The following EPS15L1 variants were observed in gnomAD, a reference collection of about 807,000 sequenced individuals.
EPS15L1 encodes the protein epidermal growth factor receptor pathway substrate 15 like 1.
In EPS15L1, 43 loss-of-function variants were observed where a neutral mutation model predicts 117.1. The observed-to-expected ratio is 0.37, with a 90% CI of 0.29 to 0.47. The LOEUF (loss-of-function observed/expected upper bound fraction) is 0.47, where lower values mean the gene tolerates loss of function less well. Among genes scored for constraint, EPS15L1 ranks in the 20% least tolerant of loss-of-function variants. EPS15L1 has a pLI of 0.99. For synonymous variants in EPS15L1, 459 were observed against 470.5 expected, an observed-to-expected ratio of 0.98 and a Z score of 0.32; for missense variants, 981 against 1,164.0, an observed-to-expected ratio of 0.84 and a Z score of 2.29.
chr19:16,418,115 C>T lies in EPS15L1; in HGVS notation c.951-11G>A, dbSNP rs765576625. On this transcript the variant is annotated splice_polypyrimidine_tract_variant and intron_variant, in intron 10 of 23. Coordinates refer to ENST00000455140, the MANE Select transcript of EPS15L1 (RefSeq NM_001258374.3). ...GTATCGGCCAGGGCCCTGGGAGAAACGTGGGGATGCTAATTACACATCACA... is the reference window on the plus strand; with the variant it reads ...GTATCGGCCAGGGCCCTGGGAGAAATGTGGGGATGCTAATTACACATCACA... The T allele has an allele frequency of 1.4e-5, 23 of 1,607,042 alleles. No homozygotes were observed. In the East Asian group the frequency reaches 2.7e-4, roughly 19 times the overall value.
rs149210508 is a variant in EPS15L1, at chr19:16,412,318, G to A, written c.1266+1455C>T. Among the ~76,000 whole-genome samples, 700 of 152,004 alleles carry A rather than the reference G, an allele frequency of 4.6e-3. 37 individuals carry two copies. In the East Asian group the frequency reaches 0.12, roughly 27 times the overall value. On this transcript the variant is annotated intron_variant, in intron 13 of 23. Coordinates refer to ENST00000455140, the MANE Select transcript of EPS15L1 (RefSeq NM_001258374.3). ...AGATTAAGACCATCCTAGCCAACAT[G>A]GTGAAACCCCATCTCTACTAAAATA...
chr19:16,433,997 A>G (rs1188103463), intron 7 of EPS15L1, among the ~76,000 whole-genome samples: 1 of 152,184 alleles, frequency 6.6e-6, no homozygotes, highest in African/African-American at 2.4e-5. Context: ...ATAAATAAAT[A>G]GACACAGACA....
chr19:16,386,304 T>C (rs1225816788), intron 19 of EPS15L1, 73 bp from the exon 20 acceptor site: 1 of 1,192,406 alleles, frequency 8.4e-7, no homozygotes, highest in Admixed American at 1.8e-5. Context: ...AACCAGACCT[T>C]CCTGACGTCG....
intron 1 of EPS15L1, among the ~76,000 whole-genome samples, chr19:16,458,511 C>T (rs1021116757): frequency 1.3e-5 from 2 of 151,870 alleles, no homozygotes; most frequent in African/African-American, 2.4e-5. Flanking sequence ...TCCTCACCCA[C>T]GGCCCTGCCT....
chr19:16,452,376 G>A (rs2093153893), intron 1 of EPS15L1, among the ~76,000 whole-genome samples: 1 of 151,608 alleles, frequency 6.6e-6, no homozygotes, highest in South Asian at 2.1e-4. Context: ...AACCCGGGAG[G>A]CAGAGTTTGC....
In EPS15L1 at chr19:16,436,934, T is replaced by C. The variant is rs1599647668; in HGVS notation, c.372+3A>G. On this transcript the variant is annotated splice_donor_region_variant and intron_variant, in intron 6 of 23. Transcript: ENST00000455140. Reference sequence around the variant, plus strand: ...AAGGAGGGAGCTATTCCCGTTCACTTACCCTCACAGCCCAGTGGGCCTCTG... The same window carrying C: ...AAGGAGGGAGCTATTCCCGTTCACTCACCCTCACAGCCCAGTGGGCCTCTG... 1.2e-6 allele frequency: 2 copies of C among 1,612,292 alleles called. No individual in the cohort carries two copies. The highest frequency in any genetic ancestry group is 1.7e-6 in the Non-Finnish European group (2 of 1,178,436).
chr19:16,382,154 A>T (rs758988775), intron 21 of EPS15L1, among the ~76,000 whole-genome samples: 28 of 152,092 alleles, frequency 1.8e-4, no homozygotes, highest in Non-Finnish European at 3.8e-4. Flanking sequence ...GTGTGTTTAA[A>T]CCCACGAGGC....
chr19:16,396,301 G>A (rs1028540062), intron 16 of EPS15L1, among the ~76,000 whole-genome samples: 2 of 152,182 alleles, frequency 1.3e-5, no homozygotes, highest in African/African-American at 4.8e-5. Context: ...TCACTCTGTT[G>A]TCCAGGTTGG....
chr19:16,363,623 C>A (rs943932837), intron 22 of EPS15L1, among the ~76,000 whole-genome samples: 5 of 152,216 alleles, frequency 3.3e-5, no homozygotes, highest in Non-Finnish European at 7.3e-5. Flanking sequence ...AAAGTGCCTC[C>A]TCCCAGCTGG....
At chr19:16,376,105 G>T (rs1282337498) in intron 22 of EPS15L1, among the ~76,000 whole-genome samples, 1 of 152,156 alleles carries the variant, frequency 6.6e-6, no homozygotes, top group African/African-American at 2.4e-5. Flanking sequence ...TGATGGAAAG[G>T]GCTCGGGGGC....
intron 16 of EPS15L1, chr19:16,400,762 G>A: frequency 1.0e-6 from 1 of 985,366 alleles, no homozygotes; most frequent in Non-Finnish European, 1.2e-6. Context: ...CCTTTGCCCT[G>A]CCCAAAAGAT....
rs1394250587 is a variant in EPS15L1 at position 16,358,869 on chromosome 19, G to A, written c.2586+2910C>T. 3.9e-5 allele frequency among the ~76,000 whole-genome samples: 6 copies of A among 152,222 alleles called. No individual in the cohort carries two copies. The East Asian group carries it at 9.6e-4, about 24-fold the overall frequency. On this transcript the variant is annotated intron_variant, in intron 23 of 23. Transcript: ENST00000455140. ...CTGGTATTTGCACTACTCTTAATGCGAACTTCCAAAAGAACCGTTCCGCTA... is the reference window on the plus strand; with the variant it reads ...CTGGTATTTGCACTACTCTTAATGCAAACTTCCAAAAGAACCGTTCCGCTA...
Position 16,417,936 on chromosome 19 carries a change from A to G in EPS15L1, c.1107+12T>C. 1 of 1,610,866 alleles carries G rather than the reference A, an allele frequency of 6.2e-7. No individual in the cohort carries two copies. The highest frequency in any genetic ancestry group is 8.5e-7 in the Non-Finnish European group (1 of 1,178,520). On this transcript the variant is annotated intron_variant, in intron 11 of 23. Transcript: ENST00000455140. ...ATGTCAATACCCCCAGGGCATGACC[A>G]GCACCACTCACCGGGCCGGGCGTGC...
At chr19:16,430,770 C>T (rs925767476) in intron 7 of EPS15L1, among the ~76,000 whole-genome samples, 18 of 152,160 alleles carry the variant, frequency 1.2e-4, no homozygotes, top group African/African-American at 2.9e-4. Context: ...GATGCAAGTG[C>T]GCACGGATGA....
At chr19:16,406,429 G>A (rs1045397216) in intron 13 of EPS15L1, among the ~76,000 whole-genome samples, 2 of 152,230 alleles carry the variant, frequency 1.3e-5, no homozygotes, top group East Asian at 1.9e-4. Flanking sequence ...ATTTAAACAC[G>A]TGGGAATGGG....
chr19:16,397,686 A>T (rs1568416572), intron 16 of EPS15L1, among the ~76,000 whole-genome samples: 6 of 150,444 alleles, frequency 4.0e-5, no homozygotes, highest in African/African-American at 2.4e-5. Context: ...AATGCTTTGC[A>T]TTTTTTTTTT....
rs149019261 is a variant in EPS15L1 at position 16,393,077 on chromosome 19, TATAATAATAATAATAATA to T, written c.1967-655_1967-638del. Among the ~76,000 whole-genome samples, 577 of 142,516 alleles carry T rather than the reference TATAATAATAATAATAATA, an allele frequency of 4.0e-3. 8 individuals carry two copies. The highest frequency in any genetic ancestry group is 9.8e-3 in the African/African-American group (374 of 38,328). The allele number at this position is 142,516 out of a possible 152,430, so 93.5% of individuals were successfully genotyped here. A position where few individuals can be genotyped will look rare whatever the true frequency, so the allele number is the denominator to read the frequency against. ...AATAAAATATCCTGCAGGAGCTGGA[TATAATAATAATAATAATA>T]ATAATAATAATAATAATAATAATAA... is the stretch of plus-strand genomic sequence containing the variant. On this transcript the variant is annotated intron_variant, in intron 18 of 23. Transcript: ENST00000455140.
At chr19:16,439,424 G>A (rs994701563) in intron 4 of EPS15L1, among the ~76,000 whole-genome samples, 4 of 152,124 alleles carry the variant, frequency 2.6e-5, no homozygotes, top group Admixed American at 6.5e-5. Flanking sequence ...GGGCACGGTG[G>A]CTCATGCCTA....
intron 12 of EPS15L1, among the ~76,000 whole-genome samples, chr19:16,415,734 T>A (rs545936497): frequency 6.6e-6 from 1 of 152,236 alleles, no homozygotes; most frequent in East Asian, 1.9e-4. Flanking sequence ...CACCTCCACA[T>A]TGGGGAAACA....
Sources: allele counts gnomAD v4.1 joint callset (sites outside exome capture counted in the v4.1 genomes callset), GRCh38; gene constraint gnomAD v4.1.1; transcripts MANE v1.5; gene names NCBI Gene and HGNC (gene_info 2026-07-23, HGNC 2026-07-21).